Variants in RAMP1 observed in about 807,000 individuals in gnomAD.
RAMP1 encodes receptor activity modifying protein 1, also known as receptor activity-modifying protein 1.
In RAMP1, 7 loss-of-function variants were observed where a neutral mutation model predicts 8.2. The ratio of observed to expected loss-of-function variants is 0.85; its 90% CI spans 0.49 to 1.60. RAMP1 has a LOEUF of 1.60. Among genes scored for constraint, RAMP1 ranks in the 40% most tolerant of loss-of-function variants. The probability of loss-of-function intolerance (pLI) is 0.00; values close to 1 mark genes in which losing one functional copy is unlikely to be tolerated. For missense variants in RAMP1, 192 were observed against 202.4 expected (o/e 0.95, Z 0.31); for synonymous variants, 92 against 84.7 (o/e 1.09, Z -0.47).
At chr2:237,891,215 G>T (rs4663800) in intron 2 of RAMP1, among the ~76,000 whole-genome samples, 1 of 149,758 alleles carries the variant, frequency 6.7e-6, no homozygotes, top group South Asian at 2.1e-4. Flanking sequence ...CAGTGGCATG[G>T]TCTCGGCTCA....
intron 2 of RAMP1, among the ~76,000 whole-genome samples, chr2:237,886,015 A>G (rs1192567658): frequency 6.6e-6 from 1 of 152,166 alleles, no homozygotes; most frequent in East Asian, 1.9e-4. Flanking sequence ...GGAGGAGAGA[A>G]GGAGGTGGCT....
chr2:237,873,940 A>G (rs2151006816), intron 1 of RAMP1, among the ~76,000 whole-genome samples: 1 of 152,316 alleles, frequency 6.6e-6, no homozygotes, highest in African/African-American at 2.4e-5. Flanking sequence ...GGGCTCCCAT[A>G]GGGCGGGAAA....
chr2:237,877,333 G>T lies in RAMP1; in HGVS notation c.162G>T (p.Thr54=). ...FQVDMEAVGE[T]LWCDWGRTIR... is the part of the protein sequence containing the mutation. Reference sequence around the variant, plus strand: ...TAGACATGGAGGCCGTCGGGGAGACGCTGTGGTGTGACTGGGGCAGGACCA... The same window carrying T: ...TAGACATGGAGGCCGTCGGGGAGACTCTGTGGTGTGACTGGGGCAGGACCA... Residue 54 remains threonine (T), a synonymous_variant, in exon 2 of 3, where the codon ACG becomes ACT. Coordinates refer to ENST00000254661, the MANE Select transcript of RAMP1 (RefSeq NM_005855.4). The surrounding 1 kb of genome is among the most constrained non-coding windows in gnomAD (Gnocchi z 4.4). The T allele has an allele frequency of 1.9e-6, 3 of 1,613,684 alleles. No homozygotes were observed. The highest frequency in any genetic ancestry group is 2.5e-6 in the Non-Finnish European group (3 of 1,179,856).
intron 1 of RAMP1, among the ~76,000 whole-genome samples, chr2:237,863,929 C>T (rs2062156718): frequency 1.3e-5 from 2 of 152,122 alleles, no homozygotes; most frequent in African/African-American, 4.8e-5. Context: ...CTCCACCCCT[C>T]ACGGGGACAA....
chr2:237,863,696 G>T (rs1009441272), intron 1 of RAMP1, among the ~76,000 whole-genome samples: 1 of 151,800 alleles, frequency 6.6e-6, no homozygotes, highest in Admixed American at 6.6e-5. Flanking sequence ...GGTCCAGGGG[G>T]ACACACTAGC....
Position 237,865,553 on chromosome 2 carries a change from T to C in RAMP1, c.52+5826T>C, listed in dbSNP as rs1456763174. The stretch of plus-strand genomic sequence containing the variant: ...AGGGCCTCCTGTCATTTGCTGCACC[T>C]GGCAGCCCCGTCCTCAGCAGCCACA... On this transcript the variant is annotated intron_variant, in intron 1 of 2. Transcript: ENST00000254661. This position sits in a 1 kb window ranked among gnomAD's most constrained non-coding sequence, Gnocchi z 4.2. 6.6e-6 allele frequency among the ~76,000 whole-genome samples: 1 copy of C among 152,208 alleles called. No homozygotes were observed. Among genetic ancestry groups the C allele is most frequent in the African/African-American group, 2.4e-5 (1 of 41,448 alleles).
At chr2:237,907,138 A>G (rs1576559053) in intron 2 of RAMP1, among the ~76,000 whole-genome samples, 1 of 152,200 alleles carries the variant, frequency 6.6e-6, no homozygotes, top group Non-Finnish European at 1.5e-5. Context: ...GTCTTCCCAC[A>G]TGACAAGCCT....
At chr2:237,866,222 G>A (rs116325681) in intron 1 of RAMP1, among the ~76,000 whole-genome samples, 17 of 151,886 alleles carry the variant, frequency 1.1e-4, no homozygotes, top group Admixed American at 6.6e-4. Flanking sequence ...CTAGGAATCC[G>A]GTGCTCTGTG....
intron 1 of RAMP1, among the ~76,000 whole-genome samples, chr2:237,866,581 G>A (rs4597462): frequency 3.3e-5 from 5 of 151,970 alleles, no homozygotes; most frequent in African/African-American, 9.7e-5. Flanking sequence ...GTGGGGCGCC[G>A]AACCCCCACA....
intron 2 of RAMP1, among the ~76,000 whole-genome samples, chr2:237,903,649 C>A (rs1052052651): frequency 6.6e-6 from 1 of 152,118 alleles, no homozygotes; most frequent in Non-Finnish European, 1.5e-5. Context: ...ACCTAAGCCT[C>A]CCAACTAGCT....
At chr2:237,904,636 T>A (rs920792047) in intron 2 of RAMP1, among the ~76,000 whole-genome samples, 6 of 152,172 alleles carry the variant, frequency 3.9e-5, no homozygotes, top group Non-Finnish European at 8.8e-5. Context: ...AAAAAGCGAA[T>A]ATAAAGCCAA....
Position 237,865,154 on chromosome 2 carries a change from TG to T in RAMP1, c.52+5429del, listed in dbSNP as rs2062173924. On this transcript the variant is annotated intron_variant, in intron 1 of 2. Transcript: ENST00000254661. This position sits in a 1 kb window ranked among gnomAD's most constrained non-coding sequence, Gnocchi z 4.2. ...CAGGGAGTCCTGGAGGCGAAAGTGA[TG>T]GACTCCAGTCCCTGGGCCTGGATGC... 6.6e-6 allele frequency among the ~76,000 whole-genome samples: 1 copy of T among 151,562 alleles called. No homozygotes were observed. The highest frequency in any genetic ancestry group is 2.4e-5 in the African/African-American group (1 of 41,170).
chr2:237,901,277 A>ATTTTTGCTC (rs2062594027), intron 2 of RAMP1, among the ~76,000 whole-genome samples: 1 of 152,012 alleles, frequency 6.6e-6, no homozygotes, highest in Non-Finnish European at 1.5e-5. Flanking sequence ...AGTAAGGGGG[A>ATTTTTGCTC]TTTTTGCTCT....
chr2:237,910,309 TCA>T (rs1363877019), intron 2 of RAMP1, among the ~76,000 whole-genome samples: 2 of 145,870 alleles, frequency 1.4e-5, no homozygotes, highest in African/African-American at 5.1e-5. Flanking sequence ...CAAGTTACGC[TCA>T]CACACAGGGA....
rs562210384 is a variant in RAMP1, at chr2:237,893,672, C to T, written c.191+16310C>T. ...AAGTAGTTTCGGCCGGGTATGGTGG[C>T]TCACACCTGTAATCCCAGCACTTTG... On this transcript the variant is annotated intron_variant, in intron 2 of 2. Transcript: ENST00000254661. Among the ~76,000 whole-genome samples the T allele has an allele frequency of 2.2e-4, 33 of 152,296 alleles. No individual in the cohort carries two copies. The South Asian group carries it at 3.3e-3, about 15-fold the overall frequency.
At chr2:237,906,809 G>A (rs1171214893) in intron 2 of RAMP1, among the ~76,000 whole-genome samples, 4 of 130,934 alleles carry the variant, frequency 3.1e-5, no homozygotes, top group East Asian at 2.6e-4. Flanking sequence ...TGCAACCTCC[G>A]CCTCCCAGGT....
chr2:237,877,356 C>A lies in RAMP1; in HGVS notation c.185C>A (p.Thr62Asn). 1 of 1,612,048 alleles carries A rather than the reference C, an allele frequency of 6.2e-7. No homozygotes were observed. The highest frequency in any genetic ancestry group is 8.5e-7 in the Non-Finnish European group (1 of 1,179,054). The change falls in exon 2 of 3, where the codon ACC becomes AAC. Residue 62 changes from threonine to asparagine, a missense_variant. By Grantham distance (65) the Thr-to-Asn change is moderately conservative. Coordinates refer to ENST00000254661, the MANE Select transcript of RAMP1 (RefSeq NM_005855.4). The surrounding 1 kb of genome is among the most constrained non-coding windows in gnomAD (Gnocchi z 4.4). Reference protein sequence around the residue: ...GETLWCDWGRTIRSYRELADC... With the variant: ...GETLWCDWGRNIRSYRELADC... ...ACGCTGTGGTGTGACTGGGGCAGGA[C>A]CATCAGGTGAGTCCCATGGCCCCTG...
At chr2:237,907,842 G>A (rs906903207) in intron 2 of RAMP1, among the ~76,000 whole-genome samples, 3 of 152,030 alleles carry the variant, frequency 2.0e-5, no homozygotes, top group African/African-American at 7.2e-5. Context: ...GTTGTTTTTT[G>A]TTGCTTCTGA....
At position 237,877,466 on chromosome 2, in the gene RAMP1, C is replaced by A; in HGVS notation, c.191+104C>A. 1 of 1,442,804 alleles carries A rather than the reference C, an allele frequency of 6.9e-7. No individual in the cohort carries two copies. The highest frequency in any genetic ancestry group is 9.3e-7 in the Non-Finnish European group (1 of 1,080,238). 89.4% of individuals were successfully genotyped at this position (1,442,804 alleles called of 1,614,324 possible). A position where few individuals can be genotyped will look rare whatever the true frequency, so the allele number is the denominator to read the frequency against. ...GGAGCTGTGGAAGATCCTTTCTAGA[C>A]CCCGGAAGGGTTCTTCCCCCAGTGG... On this transcript the variant is annotated intron_variant, in intron 2 of 2. Transcript: ENST00000254661. This position sits in a 1 kb window ranked among gnomAD's most constrained non-coding sequence, Gnocchi z 4.4.
Sources: allele counts gnomAD v4.1 joint callset (sites outside exome capture counted in the v4.1 genomes callset), GRCh38; gene constraint gnomAD v4.1.1; non-coding constraint Gnocchi (gnomAD v3.1); transcripts MANE v1.5; gene names NCBI Gene and HGNC (gene_info 2026-07-23, HGNC 2026-07-21).